Variants in RANBP2 observed in about 807,000 individuals in gnomAD.
The protein encoded by RANBP2 is E3 SUMO-protein ligase RanBP2.
RANBP2 carries 57 observed loss-of-function variants against 303.6 expected under a neutral mutation model. The observed-to-expected ratio is 0.19, with a 90% CI of 0.15 to 0.23. RANBP2 has a LOEUF of 0.23. RANBP2 is among the 10% of genes least tolerant of loss of function. The pLI, the probability that RANBP2 is intolerant of heterozygous loss-of-function variation, is 1.00. For synonymous variants in RANBP2, 1,167 were observed against 1,301.5 expected, an observed-to-expected ratio of 0.90 and a Z score of 2.23; for missense variants, 3,138 against 3,780.8, an observed-to-expected ratio of 0.83 and a Z score of 4.46.
At chr2:108,934,678 T>A in the RANBP2 span, among the ~76,000 whole-genome samples, 6 of 151,930 alleles carry the variant, frequency 3.9e-5, no homozygotes, top group African/African-American at 1.4e-4. Flanking sequence ...GATAAGAGAG[T>A]GCAAGCAGGG....
chr2:109,607,264 C>G, the RANBP2 span, among the ~76,000 whole-genome samples: 1 of 152,158 alleles, frequency 6.6e-6, no homozygotes, highest in Non-Finnish European at 1.5e-5. Flanking sequence ...ATATTACAAA[C>G]AGCTAAGGTC....
the RANBP2 span, among the ~76,000 whole-genome samples, chr2:109,119,053 G>C: frequency 6.6e-6 from 1 of 152,182 alleles, no homozygotes; most frequent in Admixed American, 6.5e-5. Context: ...TTCTTGGAAG[G>C]CATCGTCCTA....
At chr2:109,388,272 T>C in the RANBP2 span, among the ~76,000 whole-genome samples, 1 of 152,210 alleles carries the variant, frequency 6.6e-6, no homozygotes, top group African/African-American at 2.4e-5. Context: ...AGCACTTTCA[T>C]TCAATTTTTC....
At chr2:108,741,439 G>A (rs951759650) in intron 7 of RANBP2, among the ~76,000 whole-genome samples, 11 of 147,448 alleles carry the variant, frequency 7.5e-5, no homozygotes, top group African/African-American at 1.0e-4. Flanking sequence ...CTCGTGATCT[G>A]CCTGCCTTGG....
chr2:109,421,210 G>A, the RANBP2 span, among the ~76,000 whole-genome samples: 1 of 152,340 alleles, frequency 6.6e-6, no homozygotes, highest in South Asian at 2.1e-4. Context: ...TAGCCCTGAT[G>A]GAGTTTCCCA....
At chr2:109,312,397 T>G in the RANBP2 span, among the ~76,000 whole-genome samples, 8 of 152,174 alleles carry the variant, frequency 5.3e-5, no homozygotes, top group Admixed American at 5.2e-4. Context: ...CATTATAAAG[T>G]GTGCCAGTGG....
At chr2:109,089,120 A>G in the RANBP2 span, among the ~76,000 whole-genome samples, 1 of 152,170 alleles carries the variant, frequency 6.6e-6, no homozygotes, top group South Asian at 2.1e-4. Context: ...ACAGGAGGAA[A>G]AGCGAGAGAG....
chr2:109,501,777 C>A, the RANBP2 span: 1 of 638,120 alleles, frequency 1.6e-6, no homozygotes. Flanking sequence ...AGGTCATCTC[C>A]AAGGCACCTG....
the RANBP2 span, among the ~76,000 whole-genome samples, chr2:109,539,441 C>T: frequency 6.6e-6 from 1 of 152,122 alleles, no homozygotes; most frequent in Non-Finnish European, 1.5e-5. Context: ...ACCCGTGAAG[C>T]CTGGCAACCA....
the RANBP2 span, among the ~76,000 whole-genome samples, chr2:109,068,943 G>T: frequency 0.13 from 19,704 of 152,124 alleles, 1,386 homozygotes; most frequent in Non-Finnish European, 0.16. Flanking sequence ...ATCTTATATC[G>T]GTTGTGAGGA....
At chr2:109,174,677 A>G in the RANBP2 span, among the ~76,000 whole-genome samples, 2 of 152,248 alleles carry the variant, frequency 1.3e-5, no homozygotes, top group Non-Finnish European at 2.9e-5. Flanking sequence ...TATTTGGAAG[A>G]TGATATTTTC....
chr2:108,831,243 T>G, the RANBP2 span, among the ~76,000 whole-genome samples: 1 of 152,112 alleles, frequency 6.6e-6, no homozygotes, highest in African/African-American at 2.4e-5. Context: ...AGGCAATGTA[T>G]CTGATGTAAA....
chr2:109,114,501 C>T, the RANBP2 span, among the ~76,000 whole-genome samples: 46 of 151,728 alleles, frequency 3.0e-4, no homozygotes, highest in African/African-American at 7.7e-4. Context: ...TTTTTTATTG[C>T]GTCTATTTGA....
chr2:108,938,745 A>G, the RANBP2 span, among the ~76,000 whole-genome samples: 1 of 152,064 alleles, frequency 6.6e-6, no homozygotes, highest in Non-Finnish European at 1.5e-5. Context: ...TAACTAACAC[A>G]TTGCTTTAAA....
At chr2:108,919,235 A>G in the RANBP2 span, among the ~76,000 whole-genome samples, 1 of 152,212 alleles carries the variant, frequency 6.6e-6, no homozygotes, top group Non-Finnish European at 1.5e-5. Flanking sequence ...GAGTACGCAG[A>G]GTAGCAGAGA....
At chr2:108,738,670 C>A (rs1167523124) in intron 6 of RANBP2, among the ~76,000 whole-genome samples, 4 of 148,664 alleles carry the variant, frequency 2.7e-5, no homozygotes, top group Non-Finnish European at 5.9e-5. Context: ...CTCTTGTTGC[C>A]CAGGCTAGAG....
At chr2:108,917,029 G>A in the RANBP2 span, among the ~76,000 whole-genome samples, 2 of 152,210 alleles carry the variant, frequency 1.3e-5, no homozygotes, top group Non-Finnish European at 2.9e-5. Flanking sequence ...TCGGAGCTCG[G>A]CAATAAGGAA....
the RANBP2 span, among the ~76,000 whole-genome samples, chr2:109,423,496 A>G: frequency 6.6e-6 from 1 of 152,200 alleles, no homozygotes; most frequent in African/African-American, 2.4e-5. Context: ...CCATGCCAAC[A>G]CAAGACAGGG....
chr2:109,454,090 G>C, the RANBP2 span, among the ~76,000 whole-genome samples: 1 of 152,326 alleles, frequency 6.6e-6, no homozygotes, highest in South Asian at 2.1e-4. Context: ...ATAAAAGTCA[G>C]TGCAACTTAC....
Sources: gnomAD v4.1 joint callset for allele counts (sites outside exome capture counted in the v4.1 genomes callset) on GRCh38, gnomAD v4.1.1 for gene constraint, MANE v1.5 for transcripts, NCBI Gene and HGNC (gene_info 2026-07-23, HGNC 2026-07-21) for gene names.